Variants in SIPA1L3 observed in about 807,000 individuals in gnomAD.
SIPA1L3 encodes signal induced proliferation associated 1 like 3.
SIPA1L3 carries 59 observed loss-of-function variants against 150.1 expected under a neutral mutation model. The ratio of observed to expected loss-of-function variants is 0.39; its 90% CI spans 0.32 to 0.49. The LOEUF is 0.49. Among genes scored for constraint, SIPA1L3 ranks in the 20% least tolerant of loss-of-function variants. The pLI, the probability that SIPA1L3 is intolerant of heterozygous loss-of-function variation, is 0.86. For missense variants in SIPA1L3, 2,211 were observed against 2,489.5 expected, an observed-to-expected ratio of 0.89 and a Z score of 2.38; for synonymous variants, 1,070 against 1,077.6, an observed-to-expected ratio of 0.99 and a Z score of 0.14.
intron 1 of SIPA1L3, among the ~76,000 whole-genome samples, chr19:37,927,652 GGGGT>G (rs1438193595): frequency 1.2e-5 from 1 of 81,974 alleles, no homozygotes; most frequent in Non-Finnish European, 2.3e-5. Flanking sequence ...ATAAGAACAT[GGGGT>G]GTGTGTGTGT....
intron 12 of SIPA1L3, among the ~76,000 whole-genome samples, chr19:38,150,804 G>T (rs1367536314): frequency 6.6e-6 from 1 of 152,122 alleles, no homozygotes; most frequent in Non-Finnish European, 1.5e-5. Context: ...GCCTCCCAAA[G>T]TGCTGGGATT....
chr19:37,908,866 C>G (rs2046356851), intron 1 of SIPA1L3, among the ~76,000 whole-genome samples: 2 of 152,154 alleles, frequency 1.3e-5, no homozygotes, highest in Admixed American at 1.3e-4. Flanking sequence ...TGTCCTGGTG[C>G]TGCCAGCTTT....
intron 1 of SIPA1L3, among the ~76,000 whole-genome samples, chr19:38,013,280 C>T (rs536955179): frequency 1.3e-5 from 2 of 152,220 alleles, no homozygotes; most frequent in Admixed American, 6.5e-5. Context: ...TCAGCTCGTA[C>T]CAGGTCCAAA....
At chr19:38,083,992 CA>C (rs748446835) in intron 3 of SIPA1L3, among the ~76,000 whole-genome samples, 16,011 of 71,576 alleles carry the variant, frequency 0.22, 635 homozygotes, top group Middle Eastern at 0.24. Flanking sequence ...GACTCTGTCT[CA>C]AAAAAAAAAA....
chr19:38,130,220 G>A (rs946997309), intron 9 of SIPA1L3, among the ~76,000 whole-genome samples: 2 of 152,222 alleles, frequency 1.3e-5, no homozygotes, highest in Non-Finnish European at 2.9e-5. Flanking sequence ...AGGAAGGAGG[G>A]AGTTCGGGGC....
intron 20 of SIPA1L3, among the ~76,000 whole-genome samples, chr19:38,202,656 G>A (rs1023800059): frequency 2.0e-5 from 3 of 152,128 alleles, no homozygotes; most frequent in Admixed American, 6.6e-5. Context: ...TGTGCCTCTC[G>A]TCAGCCCCGT....
chr19:38,106,584 G>C lies in SIPA1L3; in HGVS notation c.2077G>C (p.Glu693Gln). 2 of 1,614,070 alleles carry C rather than the reference G, an allele frequency of 1.2e-6. No homozygotes were observed. The highest frequency in any genetic ancestry group is 1.7e-6 in the Non-Finnish European group (2 of 1,179,968). ...CCTCTACACGATGTACCAGGACTAC[G>C]AGATCATGTTCCATGTCTCCACCCT... Reference protein sequence around the residue: ...HSLYTMYQDYEIMFHVSTLLP... With the variant: ...HSLYTMYQDYQIMFHVSTLLP... Residue 693 changes from glutamate to glutamine, a missense_variant, in exon 7 of 22, where the codon GAG becomes CAG. Around this residue, in one of 5 missense-constraint regions of SIPA1L3, gnomAD observed 625 missense variants for 804.2 expected, o/e 0.78. Transcript: ENST00000222345.
At chr19:38,142,951 T>G (rs1025048833) in intron 12 of SIPA1L3, among the ~76,000 whole-genome samples, 3 of 152,292 alleles carry the variant, frequency 2.0e-5, no homozygotes, top group African/African-American at 7.2e-5. Flanking sequence ...TGCTGTTCTC[T>G]TGACACCTGT....
intron 2 of SIPA1L3, among the ~76,000 whole-genome samples, chr19:38,050,686 T>C (rs1969175406): frequency 6.6e-6 from 1 of 152,212 alleles, no homozygotes; most frequent in Non-Finnish European, 1.5e-5. Context: ...AAGAGCAGGC[T>C]TGGAGCTACT....
At chr19:38,100,918 G>C (rs562088216) in intron 5 of SIPA1L3, 134 bp from the exon 6 acceptor site, 2 of 996,212 alleles carry the variant, frequency 2.0e-6, no homozygotes, top group African/African-American at 1.7e-5. Context: ...GTTTTCCCCT[G>C]TCTGGCTATG....
chr19:38,189,243 C>T (rs1972754579), intron 16 of SIPA1L3, among the ~76,000 whole-genome samples: 1 of 151,402 alleles, frequency 6.6e-6, no homozygotes, highest in Non-Finnish European at 1.5e-5. Flanking sequence ...CAAGCAGTCT[C>T]CTATCTTAGT....
chr19:38,088,602 C>A, intron 3 of SIPA1L3, 119 bp from the exon 4 acceptor site: 2 of 1,290,022 alleles, frequency 1.6e-6, no homozygotes, highest in Non-Finnish European at 2.1e-6. Flanking sequence ...GTTTGCGTGA[C>A]CAGCATCCCA....
chr19:38,006,158 T>C (rs1013877168), intron 1 of SIPA1L3, among the ~76,000 whole-genome samples: 1 of 152,036 alleles, frequency 6.6e-6, no homozygotes, highest in Non-Finnish European at 1.5e-5. Flanking sequence ...CAGTCAAAGT[T>C]TGCTGGTCTA....
intron 1 of SIPA1L3, among the ~76,000 whole-genome samples, chr19:37,953,308 T>G (rs1359910770): frequency 6.6e-6 from 1 of 152,202 alleles, no homozygotes; most frequent in Non-Finnish European, 1.5e-5. Context: ...ACCTGGCGTA[T>G]CGCATCATGT....
At chr19:38,106,851 GC>G (rs1240791929) in intron 7 of SIPA1L3, among the ~76,000 whole-genome samples, 1 of 152,198 alleles carries the variant, frequency 6.6e-6, no homozygotes, top group Non-Finnish European at 1.5e-5. Flanking sequence ...CTTCTTGGGC[GC>G]CCTGCCCAGC....
chr19:38,029,458 C>G (rs1372815247), intron 2 of SIPA1L3, among the ~76,000 whole-genome samples: 1 of 152,164 alleles, frequency 6.6e-6, no homozygotes, highest in African/African-American at 2.4e-5. Context: ...CTTCCACCAT[C>G]CCCAATAATA....
At chr19:37,938,442 C>T (rs890080356) in intron 1 of SIPA1L3, among the ~76,000 whole-genome samples, 2 of 152,060 alleles carry the variant, frequency 1.3e-5, no homozygotes, top group African/African-American at 4.8e-5. Flanking sequence ...ATTCTGTATC[C>T]TTGTCACATT....
intron 12 of SIPA1L3, among the ~76,000 whole-genome samples, chr19:38,151,408 C>T (rs563528509): frequency 6.6e-5 from 10 of 152,314 alleles, no homozygotes; most frequent in South Asian, 6.2e-4. Flanking sequence ...CAGCTATGAG[C>T]GCTGGTCACA....
chr19:38,198,674 T>A (rs1973021211), intron 19 of SIPA1L3, 142 bp downstream of exon 19: 4 of 834,814 alleles, frequency 4.8e-6, no homozygotes, highest in Non-Finnish European at 6.5e-6. Context: ...GCCCCGTCAC[T>A]TGCTTACCAT....
Sources: allele counts gnomAD v4.1 joint callset (sites outside exome capture counted in the v4.1 genomes callset), GRCh38; gene constraint gnomAD v4.1.1; regional missense constraint gnomAD v4.1.1; transcripts MANE v1.5; gene names NCBI Gene and HGNC (gene_info 2026-07-23, HGNC 2026-07-21).